The following CADM1 variants were observed in gnomAD, a reference collection of about 807,000 sequenced individuals.
CADM1 encodes cell adhesion molecule 1.
In CADM1, 15 loss-of-function variants were observed where a neutral mutation model predicts 53.1. The ratio of observed to expected loss-of-function variants is 0.28; its 90% CI spans 0.19 to 0.44. The LOEUF (loss-of-function observed/expected upper bound fraction) is 0.44. CADM1 is among the 20% of genes least tolerant of loss of function. CADM1 has a pLI of 1.00. For missense variants in CADM1, 434 were observed against 611.3 expected, an observed-to-expected ratio of 0.71 and a Z score of 3.06; for synonymous variants, 281 against 243.0, an observed-to-expected ratio of 1.16 and a Z score of -1.45.
intron 1 of CADM1, among the ~76,000 whole-genome samples, chr11:115,409,972 C>G (rs1024200382): frequency 9.9e-5 from 15 of 152,184 alleles, no homozygotes; most frequent in African/African-American, 3.4e-4. Flanking sequence ...GTTCCCAGGT[C>G]CCCCTTGGAA....
Position 115,174,769 on chromosome 11 carries a change from CT to C in CADM1, c.*1704del. On this transcript the variant is annotated 3_prime_UTR_variant, in exon 12 of 12. Transcript: ENST00000331581. ...TATTTATATATATATATAGATCTAT[CT>C]TTTTTGATGCCATCTTTCCATAGGG... The C allele has an allele frequency of 3.3e-6, 3 of 904,680 alleles. No homozygotes were observed. The highest frequency in any genetic ancestry group is 4.0e-6 in the Non-Finnish European group (3 of 756,654). The allele number at this position is 904,680 out of a possible 1,614,324, so 56.0% of individuals were successfully genotyped here. A position where few individuals can be genotyped will look rare whatever the true frequency, so the allele number is the denominator to read the frequency against.
intron 1 of CADM1, among the ~76,000 whole-genome samples, chr11:115,452,350 A>C (rs1038628248): frequency 6.6e-6 from 1 of 152,184 alleles, no homozygotes; most frequent in African/African-American, 2.4e-5. Context: ...ACAGCTCACC[A>C]ACTGCACTTT....
intron 1 of CADM1, among the ~76,000 whole-genome samples, chr11:115,488,457 C>T (rs1949424795): frequency 6.6e-6 from 1 of 151,954 alleles, no homozygotes; most frequent in African/African-American, 2.4e-5. Context: ...GCTTGCCACC[C>T]CCTCCTCTCA....
intron 8 of CADM1, among the ~76,000 whole-genome samples, chr11:115,208,503 G>A (rs1288849712): frequency 6.6e-6 from 1 of 152,172 alleles, no homozygotes; most frequent in Non-Finnish European, 1.5e-5. Flanking sequence ...TGACCATGAA[G>A]GGTGGGGAGT....
At chr11:115,443,265 A>T (rs1948366612) in intron 1 of CADM1, among the ~76,000 whole-genome samples, 2 of 152,358 alleles carry the variant, frequency 1.3e-5, no homozygotes, top group South Asian at 4.1e-4. Flanking sequence ...AGCTTCTCCA[A>T]AACCAAAACA....
intron 1 of CADM1, among the ~76,000 whole-genome samples, chr11:115,444,069 T>C (rs954878619): frequency 1.4e-4 from 21 of 152,126 alleles, no homozygotes; most frequent in Middle Eastern, 3.4e-3. Flanking sequence ...ATTAAAGAAA[T>C]ACGGCTCCAT....
intron 9 of CADM1, 159 bp from the exon 10 acceptor site, chr11:115,191,100 C>T: frequency 3.2e-6 from 2 of 631,960 alleles, no homozygotes; most frequent in Middle Eastern, 4.2e-4. Flanking sequence ...TACATTTCTT[C>T]AATTATGTAA....
At chr11:115,231,295 A>C (rs559882843) in intron 4 of CADM1, 58 bp downstream of exon 4, 1 of 1,583,806 alleles carries the variant, frequency 6.3e-7, no homozygotes, top group South Asian at 1.1e-5. Flanking sequence ...TGATTTTCAC[A>C]AAGGCATATC....
intron 1 of CADM1, among the ~76,000 whole-genome samples, chr11:115,275,533 A>T (rs191022492): frequency 6.6e-6 from 1 of 152,362 alleles, no homozygotes; most frequent in East Asian, 1.9e-4. Flanking sequence ...TAAAAGGTGT[A>T]CACAGTTCTT....
intron 1 of CADM1, among the ~76,000 whole-genome samples, chr11:115,307,517 A>ATATAT (rs1555060904): frequency 3.2e-3 from 464 of 144,290 alleles, no homozygotes; most frequent in African/African-American, 8.3e-3. Flanking sequence ...GGAAAAAAAA[A>ATATAT]ATATATATAT....
intron 1 of CADM1, among the ~76,000 whole-genome samples, chr11:115,431,877 G>A (rs1342374363): frequency 6.6e-6 from 1 of 151,532 alleles, no homozygotes; most frequent in Non-Finnish European, 1.5e-5. Context: ...ATTTACAATT[G>A]TATATTTGTG....
At chr11:115,447,932 TA>T (rs1948488346) in intron 1 of CADM1, among the ~76,000 whole-genome samples, 1 of 152,184 alleles carries the variant, frequency 6.6e-6, no homozygotes, top group African/African-American at 2.4e-5. Context: ...TAGCACAGGG[TA>T]ATGGTTGCTC....
At chr11:115,254,318 T>C (rs188292629) in intron 1 of CADM1, among the ~76,000 whole-genome samples, 175 of 152,364 alleles carry the variant, frequency 1.1e-3, no homozygotes, top group Non-Finnish European at 1.9e-3. Context: ...TCAAGACTTA[T>C]TAAGTATCAT....
chr11:115,246,118 G>T (rs1462040416), intron 1 of CADM1, among the ~76,000 whole-genome samples: 1 of 152,170 alleles, frequency 6.6e-6, no homozygotes, highest in Non-Finnish European at 1.5e-5. Context: ...TAGATTTAAG[G>T]TTAAGGGTGT....
rs148138045 is a variant in CADM1, at chr11:115,359,256, G to A, written c.125-118836C>T. 1.8e-3 allele frequency among the ~76,000 whole-genome samples: 269 copies of A among 152,244 alleles called. 1 individual carries two copies. The highest frequency in any genetic ancestry group is 5.6e-3 in the South Asian group (27 of 4,814). ...CATGAGCTTCTGATGGAGAATCCAC[G>A]TAGAGGGAAAGGACAACTATTCCCT... On this transcript the variant is annotated intron_variant, in intron 1 of 11. Transcript: ENST00000331581.
At chr11:115,238,471 C>T in intron 3 of CADM1, 29 bp downstream of exon 3, 1 of 1,612,660 alleles carries the variant, frequency 6.2e-7, no homozygotes, top group Non-Finnish European at 8.5e-7. Flanking sequence ...ATTCCATTTC[C>T]CCGGGTAAGC....
chr11:115,456,973 A>T (rs1439366770), intron 1 of CADM1, among the ~76,000 whole-genome samples: 1 of 152,160 alleles, frequency 6.6e-6, no homozygotes, highest in Non-Finnish European at 1.5e-5. Context: ...CAGTAAGGAC[A>T]GGAACCTCTG....
intron 10 of CADM1, among the ~76,000 whole-genome samples, chr11:115,180,286 GTATT>G (rs1254656388): frequency 4.6e-5 from 7 of 152,216 alleles, no homozygotes. Flanking sequence ...TTAAAATGGA[GTATT>G]TAAAGTGTTT....
chr11:115,349,833 T>C (rs190262059), intron 1 of CADM1, among the ~76,000 whole-genome samples: 94 of 152,320 alleles, frequency 6.2e-4, no homozygotes, highest in African/African-American at 2.3e-3. Flanking sequence ...ATGACTCATA[T>C]TTTGTTCAGA....
Sources: allele counts gnomAD v4.1 joint callset (sites outside exome capture counted in the v4.1 genomes callset), GRCh38; gene constraint gnomAD v4.1.1; transcripts MANE v1.5; gene names NCBI Gene and HGNC (gene_info 2026-07-23, HGNC 2026-07-21).